PPM1A: variants seen among roughly 807,000 people sequenced by gnomAD.
The protein encoded by PPM1A is protein phosphatase 1A.
A neutral mutation model predicts 35.0 loss-of-function variants in PPM1A; 7 were observed. That is an observed-to-expected ratio of 0.20 (90% CI 0.11 to 0.38). PPM1A has a LOEUF of 0.38. Among genes scored for constraint, PPM1A ranks in the 10% least tolerant of loss-of-function variants. The pLI, the probability that PPM1A is intolerant of heterozygous loss-of-function variation, is 1.00. For synonymous variants in PPM1A, 153 were observed against 167.3 expected, an observed-to-expected ratio of 0.91 and a Z score of 0.66; for missense variants, 239 against 467.8, an observed-to-expected ratio of 0.51 and a Z score of 4.51.
chr14:60,260,149 A>C (rs1056940956), intron 1 of PPM1A, among the ~76,000 whole-genome samples: 1 of 152,046 alleles, frequency 6.6e-6, no homozygotes, highest in African/African-American at 2.4e-5. Flanking sequence ...AGCGTAGAAG[A>C]GCTTTACCCG....
intron 1 of PPM1A, among the ~76,000 whole-genome samples, chr14:60,278,104 T>C (rs541499569): frequency 1.3e-5 from 2 of 152,314 alleles, no homozygotes; most frequent in East Asian, 3.9e-4. Context: ...GAACAGTGCT[T>C]GGCTAGTAGT....
chr14:60,251,958 G>A (rs1453223503), intron 1 of PPM1A, among the ~76,000 whole-genome samples: 1 of 151,936 alleles, frequency 6.6e-6, no homozygotes, highest in African/African-American at 2.4e-5. Flanking sequence ...ACATTATGAA[G>A]GTTTTTTCTG....
chr14:60,291,775 G>A (rs1887662773), intron 5 of PPM1A, among the ~76,000 whole-genome samples: 1 of 143,496 alleles, frequency 7.0e-6, no homozygotes, highest in Non-Finnish European at 1.5e-5. Context: ...TTTTCCCGAA[G>A]TTGGGACTAT....
chr14:60,246,344 C>T (rs571001519), upstream of PPM1A, among the ~76,000 whole-genome samples: 1 of 152,218 alleles, frequency 6.6e-6, no homozygotes, highest in East Asian at 1.9e-4. Context: ...CACACTACAG[C>T]CCCTGTCCTC....
chr14:60,283,655 T>TA lies in PPM1A; in HGVS notation c.834+119dup. ...ACCAGTTTTTGGCACAACTGTAGGA[T>TA]ACTGTTCACCAATTATGAAAATATA... On this transcript the variant is annotated intron_variant, in intron 2 of 5. Transcript: ENST00000395076. The surrounding 1 kb of genome is among the most constrained non-coding windows in gnomAD (Gnocchi z 6.3). 1 of 955,512 alleles carries TA rather than the reference T, an allele frequency of 1.0e-6. No homozygotes were observed. The highest frequency in any genetic ancestry group is 1.5e-6 in the Non-Finnish European group (1 of 653,836). 59.2% of individuals were successfully genotyped at this position (955,512 alleles called of 1,614,324 possible).
chr14:60,278,181 C>T (rs973569247), intron 1 of PPM1A, among the ~76,000 whole-genome samples: 3 of 152,082 alleles, frequency 2.0e-5, no homozygotes, highest in African/African-American at 4.8e-5. Flanking sequence ...TGTAGTTGTT[C>T]AGAGATAAAA....
rs1349323608 is a variant in PPM1A, at chr14:60,298,022, AT to A, written c.*5541del. ...AGGAATTGTTTCACTCTAGAGGTAGATAGGGGACCTGGCTAGAATCTGACAT... is the reference window on the plus strand; with the variant it reads ...AGGAATTGTTTCACTCTAGAGGTAGAAGGGGACCTGGCTAGAATCTGACAT... On this transcript the variant is annotated 3_prime_UTR_variant, in exon 6 of 6. Coordinates refer to ENST00000395076, the MANE Select transcript of PPM1A (RefSeq NM_021003.5). 6.6e-6 allele frequency: 1 copy of A among 151,634 alleles called. No homozygotes were observed. The highest frequency in any genetic ancestry group is 1.5e-5 in the Non-Finnish European group (1 of 67,674). The allele number at this position is 151,634 out of a possible 1,614,324, so 9.4% of individuals were successfully genotyped here.
At chr14:60,291,750 GTTTTTTT>G (rs77512505) in intron 5 of PPM1A, among the ~76,000 whole-genome samples, 2 of 128,798 alleles carry the variant, frequency 1.6e-5, no homozygotes, top group African/African-American at 2.9e-5. Context: ...CCACTACATG[GTTTTTTT>G]TTTTTTTTTT....
At chr14:60,247,627 C>CAAAAAAAA (rs58749853), upstream of PPM1A, among the ~76,000 whole-genome samples, 2 of 50,170 alleles carry the variant, frequency 4.0e-5, no homozygotes, top group African/African-American at 1.4e-4. Context: ...GACTCTGTCT[C>CAAAAAAAA]AAAAAAAAAA....
At chr14:60,265,365 G>A (rs1884253994) in intron 1 of PPM1A, among the ~76,000 whole-genome samples, 1 of 152,098 alleles carries the variant, frequency 6.6e-6, no homozygotes, top group Non-Finnish European at 1.5e-5. Flanking sequence ...AGCCATGCAT[G>A]GGTACCTTTT....
At chr14:60,276,514 A>G (rs1885778217) in intron 1 of PPM1A, among the ~76,000 whole-genome samples, 1 of 152,172 alleles carries the variant, frequency 6.6e-6, no homozygotes, top group South Asian at 2.1e-4. Context: ...TTCTTTTGTT[A>G]TATGAGTAAG....
At position 60,273,608 on chromosome 14, in the gene PPM1A, T is replaced by G. The variant is rs1887104; in HGVS notation, c.-20-9076T>G. On this transcript the variant is annotated intron_variant, in intron 1 of 5. Transcript: ENST00000395076. This position sits in a 1 kb window ranked among gnomAD's most constrained non-coding sequence, Gnocchi z 4.3. ...ATGGTGAAATTTGTATTTTGAAAGA[T>G]TTACTTAGGCTGCAGTTTGGAGAAT... 0.27 allele frequency among the ~76,000 whole-genome samples: 40,627 copies of G among 151,936 alleles called. 5,797 individuals are homozygous for G. The highest frequency in any genetic ancestry group is 0.36 in the African/African-American group (14,962 of 41,406).
intron 1 of PPM1A, chr14:60,277,157 G>A: frequency 1.8e-6 from 1 of 570,774 alleles, no homozygotes; most frequent in Non-Finnish European, 2.4e-6. Flanking sequence ...ATCCCCTTGG[G>A]ATTTACTATT....
chr14:60,270,231 T>C (rs999706011), intron 1 of PPM1A, among the ~76,000 whole-genome samples: 1 of 152,226 alleles, frequency 6.6e-6, no homozygotes, highest in East Asian at 1.9e-4. Flanking sequence ...ATTTAAAATA[T>C]TGCAATGATA....
At position 60,293,387 on chromosome 14, in the gene PPM1A, C is replaced by T. The variant is rs983563718; in HGVS notation, c.*905C>T. On this transcript the variant is annotated 3_prime_UTR_variant, in exon 6 of 6. Coordinates refer to ENST00000395076, the MANE Select transcript of PPM1A (RefSeq NM_021003.5). The surrounding 1 kb of genome is among the most constrained non-coding windows in gnomAD (Gnocchi z 4.0). ...CATGTATGTGTAATTCCTCTTTTAC[C>T]CTGGCCTTTTAAAACACTGTGCCGT... 2 of 151,856 alleles carry T rather than the reference C, an allele frequency of 1.3e-5. No homozygotes were observed. The highest frequency in any genetic ancestry group is 2.9e-5 in the Non-Finnish European group (2 of 67,924). The allele number at this position is 151,856 out of a possible 1,614,324, so 9.4% of individuals were successfully genotyped here.
In PPM1A at chr14:60,291,768, T is replaced by C. The variant is rs201663009; in HGVS notation, c.1119+314T>C. Among the ~76,000 whole-genome samples the C allele has an allele frequency of 6.3e-3, 949 of 150,994 alleles. 66 individuals are homozygous for C. In the East Asian group the frequency reaches 0.15, roughly 24 times the overall value. Reference sequence around the variant, plus strand: ...CTACATGGTTTTTTTTTTTTTTTTTTCCCGAAGTTGGGACTATCTCTACTC... The same window carrying C: ...CTACATGGTTTTTTTTTTTTTTTTTCCCCGAAGTTGGGACTATCTCTACTC... On this transcript the variant is annotated intron_variant, in intron 5 of 5. Transcript: ENST00000395076.
chr14:60,289,613 A>G lies in PPM1A; in HGVS notation c.953-193A>G, dbSNP rs1263679441. Reference sequence around the variant, plus strand: ...AATTTTGATTTGAAGTTAATCTTATATGTCATTTTGTGCATTTTTTGTCAT... The same window carrying G: ...AATTTTGATTTGAAGTTAATCTTATGTGTCATTTTGTGCATTTTTTGTCAT... On this transcript the variant is annotated intron_variant, in intron 3 of 5. Coordinates refer to ENST00000395076, the MANE Select transcript of PPM1A (RefSeq NM_021003.5). The surrounding 1 kb of genome is among the most constrained non-coding windows in gnomAD (Gnocchi z 4.1). Among the ~76,000 whole-genome samples, 2 of 151,432 alleles carry G rather than the reference A, an allele frequency of 1.3e-5. No homozygotes were observed. The highest frequency in any genetic ancestry group is 2.1e-4 in the South Asian group (1 of 4,820).
rs10483723 is a variant in PPM1A, at chr14:60,292,377, A to G, written c.1120-76A>G. On this transcript the variant is annotated intron_variant, in intron 5 of 5. Coordinates refer to ENST00000395076, the MANE Select transcript of PPM1A (RefSeq NM_021003.5). The surrounding 1 kb of genome is among the most constrained non-coding windows in gnomAD (Gnocchi z 4.2). ...TCTTTACAGAACATTATCTTTCTCC[A>G]TTATCCAGAAAGTATGGTGTATTTT... The G allele has an allele frequency of 0.046, 50,097 of 1,098,582 alleles. 1,985 individuals carry two copies. The highest frequency in any genetic ancestry group is 0.19 in the African/African-American group (12,330 of 64,582). 68.1% of individuals were successfully genotyped at this position (1,098,582 alleles called of 1,614,324 possible).
At position 60,283,960 on chromosome 14, in the gene PPM1A, G is replaced by A. The variant is rs1285999632; in HGVS notation, c.834+423G>A. Among the ~76,000 whole-genome samples, 1 of 152,208 alleles carries A rather than the reference G, an allele frequency of 6.6e-6. No individual in the cohort carries two copies. Among genetic ancestry groups the A allele is most frequent in the Non-Finnish European group, 1.5e-5 (1 of 68,020 alleles). Reference sequence around the variant, plus strand: ...CTTTGAAACTAAGGTTTAATGGTCTGTAGCACTTGAAAGAGGAATGTAGTG... The same window carrying A: ...CTTTGAAACTAAGGTTTAATGGTCTATAGCACTTGAAAGAGGAATGTAGTG... On this transcript the variant is annotated intron_variant, in intron 2 of 5. Transcript: ENST00000395076. The surrounding 1 kb of genome is among the most constrained non-coding windows in gnomAD (Gnocchi z 6.3).
Sources: gnomAD v4.1 joint callset for allele counts (sites outside exome capture counted in the v4.1 genomes callset) on GRCh38, gnomAD v4.1.1 for gene constraint, Gnocchi (gnomAD v3.1) non-coding constraint, MANE v1.5 for transcripts, NCBI Gene and HGNC (gene_info 2026-07-23, HGNC 2026-07-21) for gene names.